The following MAP3K1 variants were observed in gnomAD, a reference collection of about 807,000 sequenced individuals.
MAP3K1 encodes mitogen-activated protein kinase kinase kinase 1, also known as MAP/ERK kinase kinase 1.
MAP3K1 carries 36 observed loss-of-function variants against 144.2 expected under a neutral mutation model. The ratio of observed to expected loss-of-function variants is 0.25; its 90% CI spans 0.19 to 0.33. The LOEUF (loss-of-function observed/expected upper bound fraction) is 0.33, where lower values mean the gene tolerates loss of function less well. Ranked by LOEUF, MAP3K1 falls within the 10% of genes least tolerant of loss-of-function variation. The probability of loss-of-function intolerance (pLI) is 1.00; values close to 1 mark genes in which losing one functional copy is unlikely to be tolerated. For synonymous variants in MAP3K1, 718 were observed against 688.7 expected, an observed-to-expected ratio of 1.04 and a Z score of -0.67; for missense variants, 1,650 against 1,881.9, an observed-to-expected ratio of 0.88 and a Z score of 2.28.
At chr5:56,869,203 C>G (rs967890907) in intron 6 of MAP3K1, among the ~76,000 whole-genome samples, 1 of 152,076 alleles carries the variant, frequency 6.6e-6, no homozygotes, top group African/African-American at 2.4e-5. Context: ...CCCAGAAGTT[C>G]AAGGCTGCAG....
chr5:56,861,567 C>CT lies in MAP3K1; in HGVS notation c.834+1653dup, dbSNP rs1331251122. Reference sequence around the variant, plus strand: ...CAGCCTGGGCGACAGAGTGAGACTCCTAAAAAAAAAAAAAAAAAAAAAAGG... The same window carrying CT: ...CAGCCTGGGCGACAGAGTGAGACTCCTTAAAAAAAAAAAAAAAAAAAAAAGG... On this transcript the variant is annotated intron_variant, in intron 3 of 19. Coordinates refer to ENST00000399503, the MANE Select transcript of MAP3K1 (RefSeq NM_005921.2). Among the ~76,000 whole-genome samples the CT allele has an allele frequency of 1.3e-4, 9 of 70,618 alleles. No homozygotes were observed. In the South Asian group the frequency reaches 4.5e-3, roughly 35 times the overall value. 46.3% of individuals were successfully genotyped at this position (70,618 alleles called of 152,430 possible). A position where few individuals can be genotyped will look rare whatever the true frequency, so the allele number is the denominator to read the frequency against.
At chr5:56,851,236 G>A (rs1259942082) in intron 1 of MAP3K1, among the ~76,000 whole-genome samples, 4 of 152,192 alleles carry the variant, frequency 2.6e-5, no homozygotes, top group Non-Finnish European at 5.9e-5. Context: ...ATGAGCCACC[G>A]TGCCCGGCCA....
intron 18 of MAP3K1, 100 bp downstream of exon 18, chr5:56,887,620 C>T: frequency 3.9e-6 from 5 of 1,279,304 alleles, no homozygotes; most frequent in Non-Finnish European, 5.7e-6. Context: ...TATGTACTTA[C>T]CAACTAGAAG....
rs1172958122 is a variant in MAP3K1, at chr5:56,815,921, C to G, written c.348C>G (p.Ala116=). 4 of 1,277,948 alleles carry G rather than the reference C, an allele frequency of 3.1e-6. No homozygotes were observed. In the East Asian group the frequency reaches 1.3e-4, roughly 42 times the overall value. The allele number at this position is 1,277,948 out of a possible 1,614,324, so 79.2% of individuals were successfully genotyped here. ...TGGCGGTGCCGCCGCCCCACGGAGC[C>G]GCGAGCCGCGGCGGCGCCCACCTTA... ...QPVAVPPPHG[A]ASRGGAHLTE... Residue 116 remains alanine (A), a synonymous_variant, in exon 1 of 20, where the codon GCC becomes GCG. Transcript: ENST00000399503.
At chr5:56,853,148 A>G (rs1445870401) in intron 1 of MAP3K1, among the ~76,000 whole-genome samples, 1 of 152,188 alleles carries the variant, frequency 6.6e-6, no homozygotes, top group African/African-American at 2.4e-5. Flanking sequence ...CCATTATTTT[A>G]TATACTATGA....
At chr5:56,825,053 G>C (rs1746271134) in intron 1 of MAP3K1, among the ~76,000 whole-genome samples, 1 of 151,980 alleles carries the variant, frequency 6.6e-6, no homozygotes, top group South Asian at 2.1e-4. Context: ...TGTTGCCCAG[G>C]CTGGAGTGCA....
chr5:56,857,557 C>A (rs1747378644), intron 2 of MAP3K1, among the ~76,000 whole-genome samples: 1 of 152,152 alleles, frequency 6.6e-6, no homozygotes, highest in African/African-American at 2.4e-5. Context: ...TACACCCCTG[C>A]CAAGTGATTG....
chr5:56,875,341 T>C (rs1338875408), intron 10 of MAP3K1, 31 bp downstream of exon 10: 2 of 1,611,266 alleles, frequency 1.2e-6, no homozygotes, highest in Non-Finnish European at 1.7e-6. Flanking sequence ...ATCATATCAT[T>C]ATGGGTTTGG....
At chr5:56,828,685 A>G (rs1221237181) in intron 1 of MAP3K1, among the ~76,000 whole-genome samples, 2 of 152,222 alleles carry the variant, frequency 1.3e-5, no homozygotes, top group Admixed American at 1.3e-4. Flanking sequence ...TGTGTTTAGC[A>G]AATACTACCT....
At chr5:56,835,731 A>G (rs1016023412) in intron 1 of MAP3K1, among the ~76,000 whole-genome samples, 1 of 151,396 alleles carries the variant, frequency 6.6e-6, no homozygotes, top group Non-Finnish European at 1.5e-5. Context: ...AAAGGGGGGG[A>G]ATTTTACAAG....
intron 1 of MAP3K1, among the ~76,000 whole-genome samples, chr5:56,821,701 C>T (rs1040386105): frequency 6.6e-6 from 1 of 152,120 alleles, no homozygotes; most frequent in African/African-American, 2.4e-5. Context: ...TCTTCATTGC[C>T]TAAACAATAA....
At chr5:56,835,992 G>T (rs1746642535) in intron 1 of MAP3K1, among the ~76,000 whole-genome samples, 1 of 152,152 alleles carries the variant, frequency 6.6e-6, no homozygotes, top group African/African-American at 2.4e-5. Flanking sequence ...ATTTTGTAAA[G>T]AATTGGCTGT....
chr5:56,845,958 A>G (rs10074901), intron 1 of MAP3K1, among the ~76,000 whole-genome samples: 5,983 of 152,278 alleles, frequency 0.039, 411 homozygotes, highest in African/African-American at 0.14. Flanking sequence ...CCGCAGGGAG[A>G]TAGGTGAAAG....
chr5:56,861,119 CAA>C (rs1173887973), intron 3 of MAP3K1, among the ~76,000 whole-genome samples: 1 of 152,050 alleles, frequency 6.6e-6, no homozygotes, highest in Non-Finnish European at 1.5e-5. Context: ...ATGATAATAA[CAA>C]AATTATTCAT....
intron 10 of MAP3K1, among the ~76,000 whole-genome samples, chr5:56,877,777 GT>G (rs1158103444): frequency 6.6e-6 from 1 of 151,892 alleles, no homozygotes; most frequent in South Asian, 2.1e-4. Context: ...TCTTTTTTCT[GT>G]TCCAGGATCC....
intron 19 of MAP3K1, 98 bp from the exon 20 acceptor site, chr5:56,893,433 C>A: frequency 7.9e-7 from 1 of 1,273,782 alleles, no homozygotes; most frequent in Non-Finnish European, 1.1e-6. Context: ...CCTCTCTGTT[C>A]AGGATGTAAA....
chr5:56,817,137 A>G (rs1746002736), intron 1 of MAP3K1: 1 of 983,592 alleles, frequency 1.0e-6, no homozygotes, highest in Non-Finnish European at 1.2e-6. Context: ...CCAGCGGTTT[A>G]TTGGCCTCGC....
intron 10 of MAP3K1, among the ~76,000 whole-genome samples, chr5:56,876,103 C>T (rs1429670435): frequency 6.9e-6 from 1 of 144,514 alleles, no homozygotes. Flanking sequence ...TTTCTCCATT[C>T]TGCGTATATG....
At chr5:56,877,735 T>G (rs917073865) in intron 10 of MAP3K1, among the ~76,000 whole-genome samples, 2 of 152,156 alleles carry the variant, frequency 1.3e-5, no homozygotes, top group Non-Finnish European at 2.9e-5. Flanking sequence ...ACTGCAGACT[T>G]TATTCAGATT....
Sources: allele counts gnomAD v4.1 joint callset (sites outside exome capture counted in the v4.1 genomes callset), GRCh38; gene constraint gnomAD v4.1.1; transcripts MANE v1.5; gene names NCBI Gene and HGNC (gene_info 2026-07-23, HGNC 2026-07-21).